NEK11: variants seen among roughly 807,000 people sequenced by gnomAD.
The protein encoded by NEK11 is serine/threonine-protein kinase Nek11.
Under a neutral mutation model 80.7 loss-of-function variants are expected in NEK11, and 72 were observed. That is an observed-to-expected ratio of 0.89 (90% confidence interval 0.74 to 1.08). The LOEUF (loss-of-function observed/expected upper bound fraction) is 1.08, where lower values mean the gene tolerates loss of function less well. NEK11 is among the 50% of genes least tolerant of loss of function. The pLI is 0.00. For missense variants in NEK11, 764 were observed against 763.6 expected, an observed-to-expected ratio of 1.00 and a Z score of -0.01; for synonymous variants, 251 against 260.7, an observed-to-expected ratio of 0.96 and a Z score of 0.36.
chr3:131,026,917 G>C lies in NEK11; in HGVS notation c.-259G>C, dbSNP rs561014719. On this transcript the variant is annotated 5_prime_UTR_variant, in exon 1 of 18. Coordinates refer to ENST00000383366, the MANE Select transcript of NEK11 (RefSeq NM_024800.5). ...CGTGGCCCGCGGTGTCTGGCGCTCGGTGGGTGTGGTTGCCCCTAGTTTGAG... is the reference window on the plus strand; with the variant it reads ...CGTGGCCCGCGGTGTCTGGCGCTCGCTGGGTGTGGTTGCCCCTAGTTTGAG... 5.2e-5 allele frequency: 8 copies of C among 152,384 alleles called. No individual in the cohort carries two copies. In the East Asian group the frequency reaches 1.2e-3, roughly 22 times the overall value. The allele number at this position is 152,384 out of a possible 1,614,324, so 9.4% of individuals were successfully genotyped here.
chr3:131,281,037 C>G (rs560997327), intron 17 of NEK11, among the ~76,000 whole-genome samples: 5 of 152,264 alleles, frequency 3.3e-5, no homozygotes, highest in Admixed American at 2.6e-4. Context: ...TTCCCTCTCT[C>G]AGCTCAGTAA....
chr3:131,281,531 T>C (rs1427816139), intron 17 of NEK11, among the ~76,000 whole-genome samples: 1 of 152,236 alleles, frequency 6.6e-6, no homozygotes, highest in Non-Finnish European at 1.5e-5. Flanking sequence ...GTATTTGCAG[T>C]CTTTCGCTAG....
At chr3:131,265,164 A>T (rs890771904) in intron 16 of NEK11, among the ~76,000 whole-genome samples, 1 of 152,132 alleles carries the variant, frequency 6.6e-6, no homozygotes, top group African/African-American at 2.4e-5. Context: ...CTGCAAACAG[A>T]GACAATTTGA....
chr3:131,233,800 C>T (rs750904434), intron 15 of NEK11, among the ~76,000 whole-genome samples: 32 of 152,120 alleles, frequency 2.1e-4, no homozygotes, highest in Non-Finnish European at 3.2e-4. Flanking sequence ...ATTTCATTTG[C>T]TCAAAAAAGA....
intron 14 of NEK11, among the ~76,000 whole-genome samples, chr3:131,203,767 G>GTATATATATA (rs150951735): frequency 7.4e-5 from 4 of 54,196 alleles, no homozygotes; most frequent in Non-Finnish European, 1.3e-4. Flanking sequence ...GTGTGTGTGT[G>GTATATATATA]TATATATATA....
chr3:131,127,987 T>C (rs2083660151), intron 5 of NEK11, among the ~76,000 whole-genome samples: 1 of 152,228 alleles, frequency 6.6e-6, no homozygotes, highest in Admixed American at 6.5e-5. Context: ...AAAGCTCTGA[T>C]TAAAAATTTA....
At chr3:131,287,113 A>G (rs1248902069) in intron 17 of NEK11, among the ~76,000 whole-genome samples, 1 of 152,162 alleles carries the variant, frequency 6.6e-6, no homozygotes, top group Non-Finnish European at 1.5e-5. Context: ...GACTGCAGGG[A>G]AAGGTAATCT....
rs769851836 is a variant in NEK11, at chr3:131,080,408, T to C, written c.171-15T>C. ...TTTCAGCTCTAAATGTTTTTAAAAT[T>C]TTTTTTGATCTCAGAAAGGTACTTA... On this transcript the variant is annotated splice_polypyrimidine_tract_variant and intron_variant, in intron 3 of 17. Coordinates refer to ENST00000383366, the MANE Select transcript of NEK11 (RefSeq NM_024800.5). 1 of 1,582,026 alleles carries C rather than the reference T, an allele frequency of 6.3e-7. No individual in the cohort carries two copies. Among genetic ancestry groups the C allele is most frequent in the South Asian group, 1.2e-5 (1 of 86,188 alleles).
Position 131,350,291 on chromosome 3 carries a change from T to C in NEK11, c.*515T>C, listed in dbSNP as rs973183035. 6.5e-6 allele frequency: 1 copy of C among 154,122 alleles called. No individual in the cohort carries two copies. Among genetic ancestry groups the C allele is most frequent in the Admixed American group, 6.4e-5 (1 of 15,644 alleles). The allele number at this position is 154,122 out of a possible 1,614,324, so 9.5% of individuals were successfully genotyped here. A position where few individuals can be genotyped will look rare whatever the true frequency, so the allele number is the denominator to read the frequency against. On this transcript the variant is annotated 3_prime_UTR_variant, in exon 18 of 18. Transcript: ENST00000383366. ...TCCACTTTTGCCCTTCCATGACTAATAAGGAAGATATGTGTGTATTTCATA... is the reference window on the plus strand; with the variant it reads ...TCCACTTTTGCCCTTCCATGACTAACAAGGAAGATATGTGTGTATTTCATA...
At chr3:131,162,333 T>C in intron 10 of NEK11, 75 bp from the exon 11 acceptor site, 1 of 1,556,050 alleles carries the variant, frequency 6.4e-7, no homozygotes, top group Non-Finnish European at 8.7e-7. Context: ...TAGTGATACT[T>C]TTATAAAATA....
chr3:131,113,986 G>C (rs1318438059), intron 5 of NEK11, among the ~76,000 whole-genome samples: 2 of 150,212 alleles, frequency 1.3e-5, no homozygotes, highest in Non-Finnish European at 3.0e-5. Context: ...ATTTCCTCTT[G>C]AAAAATTTCT....
At chr3:131,308,860 G>C (rs2096748908) in intron 17 of NEK11, among the ~76,000 whole-genome samples, 1 of 152,146 alleles carries the variant, frequency 6.6e-6, no homozygotes, top group South Asian at 2.1e-4. Flanking sequence ...GGGTAGGGTG[G>C]GGGATGGTTT....
intron 12 of NEK11, among the ~76,000 whole-genome samples, 175 bp downstream of exon 12, chr3:131,165,694 C>T (rs1425494555): frequency 6.6e-6 from 1 of 152,122 alleles, no homozygotes; most frequent in African/African-American, 2.4e-5. Context: ...CGATTCAAAG[C>T]GGCTGTAGCG....
intron 4 of NEK11, among the ~76,000 whole-genome samples, chr3:131,094,268 G>A (rs192584030): frequency 2.6e-4 from 39 of 151,614 alleles, no homozygotes; most frequent in African/African-American, 9.0e-4. Flanking sequence ...TCAGCTGGTG[G>A]GTCACAAAGG....
chr3:131,270,819 C>G (rs2108635848), intron 16 of NEK11, among the ~76,000 whole-genome samples: 1 of 152,218 alleles, frequency 6.6e-6, no homozygotes, highest in South Asian at 2.1e-4. Flanking sequence ...ATTGCTTTGA[C>G]CTTTATTTGC....
chr3:131,237,914 G>A (rs11920352), intron 15 of NEK11, among the ~76,000 whole-genome samples: 26,349 of 151,996 alleles, frequency 0.17, 4,879 homozygotes, highest in African/African-American at 0.46. Context: ...TCACCTTGTC[G>A]TAGCTTCTTA....
chr3:131,093,809 A>G (rs2149182737), intron 4 of NEK11, among the ~76,000 whole-genome samples: 1 of 152,214 alleles, frequency 6.6e-6, no homozygotes, highest in East Asian at 1.9e-4. Flanking sequence ...CAGGTTTAAC[A>G]TGACATAGTC....
chr3:131,292,848 T>G (rs2109007612), intron 17 of NEK11, among the ~76,000 whole-genome samples: 1 of 152,160 alleles, frequency 6.6e-6, no homozygotes, highest in Admixed American at 6.6e-5. Context: ...TTTGGGGGGG[T>G]GCTGATGTAA....
At chr3:131,164,596 A>G (rs2092018398) in intron 11 of NEK11, among the ~76,000 whole-genome samples, 1 of 152,228 alleles carries the variant, frequency 6.6e-6, no homozygotes, top group Non-Finnish European at 1.5e-5. Context: ...ACAGATTACA[A>G]AATACATTAA....
Sources: allele counts gnomAD v4.1 joint callset (sites outside exome capture counted in the v4.1 genomes callset), GRCh38; gene constraint gnomAD v4.1.1; transcripts MANE v1.5; gene names NCBI Gene and HGNC (gene_info 2026-07-23, HGNC 2026-07-21).